Variants in SLC4A9 observed in about 807,000 individuals in gnomAD.
SLC4A9 encodes solute carrier family 4 member 9, also known as anion exchange protein 4.
Under a neutral mutation model 103.2 loss-of-function variants are expected in SLC4A9, and 102 were observed. The observed-to-expected ratio is 0.99, with a 90% CI of 0.84 to 1.17. SLC4A9 has a LOEUF of 1.17. Ranked by LOEUF, SLC4A9 falls within the 50% of genes most tolerant of loss-of-function variation. The pLI is 0.00. For missense variants in SLC4A9, 1,091 were observed against 1,193.7 expected (o/e 0.91, Z 1.27); for synonymous variants, 453 against 483.6 (o/e 0.94, Z 0.83).
chr5:140,363,699 C>A lies in SLC4A9; in HGVS notation c.1080-29C>A, dbSNP rs779714838. ...GGATGCGGGTGTGGAGTGTGAAAAC[C>A]TGGATCACTGACGACCCTCGGGCGG... On this transcript the variant is annotated intron_variant, in intron 8 of 21. Coordinates refer to ENST00000506757, the MANE Select transcript of SLC4A9 (RefSeq NM_031467.3). The surrounding 1 kb of genome is among the most constrained non-coding windows in gnomAD (Gnocchi z 4.5). 2.0e-5 allele frequency: 33 copies of A among 1,611,120 alleles called. No homozygotes were observed. Among genetic ancestry groups the A allele is most frequent in the Non-Finnish European group, 2.5e-5 (30 of 1,178,548 alleles).
chr5:140,363,344 G>C lies in SLC4A9; in HGVS notation c.963-95G>C. 4.1e-6 allele frequency: 5 copies of C among 1,208,170 alleles called. No homozygotes were observed. Among genetic ancestry groups the C allele is most frequent in the South Asian group, 2.8e-5 (2 of 70,828 alleles). 74.8% of individuals were successfully genotyped at this position (1,208,170 alleles called of 1,614,324 possible). Reference sequence around the variant, plus strand: ...ATGGTTCCCTCGCCGGCAGAGACAAGAGCAGCCGCTAGGGGGCAGGGCGCC... The same window carrying C: ...ATGGTTCCCTCGCCGGCAGAGACAACAGCAGCCGCTAGGGGGCAGGGCGCC... On this transcript the variant is annotated intron_variant, in intron 7 of 21. Transcript: ENST00000506757. The surrounding 1 kb of genome is among the most constrained non-coding windows in gnomAD (Gnocchi z 4.5).
rs777843017 is a variant in SLC4A9 at position 140,371,121 on chromosome 5, C to T, written c.2454C>T (p.Gly818=). ...TCATTCCAATGCCTGTGCTCTATGGCATCTTCCTGTATATGGGGGTGGCAG... is the reference window on the plus strand; with the variant it reads ...TCATTCCAATGCCTGTGCTCTATGGTATCTTCCTGTATATGGGGGTGGCAG... ...LKFIPMPVLY[G]IFLYMGVAAL... The change falls in exon 18 of 22, where the codon GGC becomes GGT. Residue 818 remains glycine, a synonymous_variant. Coordinates refer to ENST00000506757, the MANE Select transcript of SLC4A9 (RefSeq NM_031467.3). 2.9e-5 allele frequency: 47 copies of T among 1,612,258 alleles called. 1 individual carries two copies. The South Asian group carries it at 5.1e-4, about 17-fold the overall frequency.
rs150704382 is a variant in SLC4A9, at chr5:140,370,324, C to T, written c.2428-771C>T. Among the ~76,000 whole-genome samples the T allele has an allele frequency of 5.0e-3, 759 of 151,634 alleles. 7 individuals carry two copies. Among genetic ancestry groups the T allele is most frequent in the African/African-American group, 0.017 (723 of 41,356 alleles). On this transcript the variant is annotated intron_variant, in intron 17 of 21. Coordinates refer to ENST00000506757, the MANE Select transcript of SLC4A9 (RefSeq NM_031467.3). ...ACTAAAAATATAAAAGTTAGCTGGGCGTGGTGGGGGGTGCCTATAATCCCA... is the reference window on the plus strand; with the variant it reads ...ACTAAAAATATAAAAGTTAGCTGGGTGTGGTGGGGGGTGCCTATAATCCCA...
rs746607444 is a variant in SLC4A9 at position 140,363,701 on chromosome 5, G to A, written c.1080-27G>A. 25 of 1,611,416 alleles carry A rather than the reference G, an allele frequency of 1.6e-5. No individual in the cohort carries two copies. The highest frequency in any genetic ancestry group is 2.0e-5 in the Non-Finnish European group (24 of 1,178,710). On this transcript the variant is annotated intron_variant, in intron 8 of 21. Coordinates refer to ENST00000506757, the MANE Select transcript of SLC4A9 (RefSeq NM_031467.3). This position sits in a 1 kb window ranked among gnomAD's most constrained non-coding sequence, Gnocchi z 4.5. ...ATGCGGGTGTGGAGTGTGAAAACCTGGATCACTGACGACCCTCGGGCGGGA... is the reference window on the plus strand; with the variant it reads ...ATGCGGGTGTGGAGTGTGAAAACCTAGATCACTGACGACCCTCGGGCGGGA...
Position 140,368,769 on chromosome 5 carries a change from T to C in SLC4A9, c.2427+110T>C, listed in dbSNP as rs145201216. ...AGTGTGCCAGGTGCTCTGTTAAGTT[T>C]TCTCCATACATGGTCTCATTTAATC... On this transcript the variant is annotated intron_variant, in intron 17 of 21. Transcript: ENST00000506757. The C allele has an allele frequency of 1.3e-4, 108 of 828,552 alleles. No homozygotes were observed. In the East Asian group the frequency reaches 3.0e-3, roughly 23 times the overall value. 51.3% of individuals were successfully genotyped at this position (828,552 alleles called of 1,614,324 possible).
chr5:140,374,385 C>T (rs968968555), intron 21 of SLC4A9, among the ~76,000 whole-genome samples: 1 of 151,570 alleles, frequency 6.6e-6, no homozygotes, highest in Admixed American at 6.6e-5. Flanking sequence ...CATGGTGAAA[C>T]CCTGTCTCTA....
At position 140,363,184 on chromosome 5, in the gene SLC4A9, A is replaced by G; in HGVS notation, c.962+118A>G. The G allele has an allele frequency of 7.4e-7, 1 of 1,347,644 alleles. No individual in the cohort carries two copies. The highest frequency in any genetic ancestry group is 1.0e-6 in the Non-Finnish European group (1 of 986,912). 83.5% of individuals were successfully genotyped at this position (1,347,644 alleles called of 1,614,324 possible). On this transcript the variant is annotated intron_variant, in intron 7 of 21. Coordinates refer to ENST00000506757, the MANE Select transcript of SLC4A9 (RefSeq NM_031467.3). The surrounding 1 kb of genome is among the most constrained non-coding windows in gnomAD (Gnocchi z 4.5). The stretch of plus-strand genomic sequence containing the variant: ...GATAGGGACCTATCTTTGGATTTGG[A>G]GTCAGGCAGACCTAACTCTGAGTTC...
At chr5:140,366,099 G>GA (rs1430583972) in intron 13 of SLC4A9, 52 bp from the exon 14 acceptor site, 2 of 1,607,834 alleles carry the variant, frequency 1.2e-6, no homozygotes, top group Non-Finnish European at 1.7e-6. Flanking sequence ...AAGTGGTGTG[G>GA]AAAAAGAGAG....
intron 3 of SLC4A9, 129 bp from the exon 4 acceptor site, chr5:140,361,679 T>C: frequency 9.9e-7 from 1 of 1,008,208 alleles, no homozygotes; most frequent in Non-Finnish European, 1.5e-6. Flanking sequence ...GTGAGAAAAC[T>C]GTGGCTCAGA....
chr5:140,364,677 G>A (rs1767628687), intron 11 of SLC4A9, 52 bp downstream of exon 11: 6 of 1,564,268 alleles, frequency 3.8e-6, no homozygotes, highest in African/African-American at 2.7e-5. Context: ...TGTAGGGAAG[G>A]GGAGGGGCTG....
Position 140,363,679 on chromosome 5 carries a change from C to T in SLC4A9, c.1080-49C>T, listed in dbSNP as rs753173522. 4.4e-6 allele frequency: 7 copies of T among 1,602,152 alleles called. No homozygotes were observed. Among genetic ancestry groups the T allele is most frequent in the South Asian group, 1.1e-5 (1 of 89,458 alleles). On this transcript the variant is annotated intron_variant, in intron 8 of 21. Coordinates refer to ENST00000506757, the MANE Select transcript of SLC4A9 (RefSeq NM_031467.3). This position sits in a 1 kb window ranked among gnomAD's most constrained non-coding sequence, Gnocchi z 4.5. ...GGTCACAGGGAAAGTAGCGGGGATGCGGGTGTGGAGTGTGAAAACCTGGAT... is the reference window on the plus strand; with the variant it reads ...GGTCACAGGGAAAGTAGCGGGGATGTGGGTGTGGAGTGTGAAAACCTGGAT...
chr5:140,367,395 C>T (rs748467172), intron 14 of SLC4A9, 25 bp from the exon 15 acceptor site: 1 of 1,607,342 alleles, frequency 6.2e-7, no homozygotes, highest in African/African-American at 1.3e-5. Context: ...CCACTCCAAC[C>T]TGTCCATGAA....
intron 16 of SLC4A9, 51 bp from the exon 17 acceptor site, chr5:140,368,536 A>C: frequency 1.3e-4 from 202 of 1,522,280 alleles, no homozygotes; most frequent in Non-Finnish European, 1.7e-4. Flanking sequence ...TCCAGTCTGG[A>C]TACCCCAGGG....
rs541489968 is a variant in SLC4A9 at position 140,365,859 on chromosome 5, T to C, written c.1736T>C (p.Leu579Ser). 3 of 1,613,862 alleles carry C rather than the reference T, an allele frequency of 1.9e-6. No individual in the cohort carries two copies. Among genetic ancestry groups the C allele is most frequent in the African/African-American group, 2.7e-5 (2 of 75,046 alleles). The change falls in exon 13 of 22, where the codon TTG becomes TCG. Residue 579 changes from leucine (L) to serine (S), a missense_variant. Leu to Ser is a moderately radical substitution (Grantham distance 145). Transcript: ENST00000506757. ...SMDLGLINAS[L>S]LPPPECTRQG... is the part of the protein sequence containing the mutation. ...GACTTAGGCCTGATCAATGCATCCTTGCTGCCGCCACCTGAGTGCACCCGG... is the reference window on the plus strand; with the variant it reads ...GACTTAGGCCTGATCAATGCATCCTCGCTGCCGCCACCTGAGTGCACCCGG...
Position 140,363,159 on chromosome 5 carries a change from G to C in SLC4A9, c.962+93G>C, listed in dbSNP as rs768021723. On this transcript the variant is annotated intron_variant, in intron 7 of 21. Coordinates refer to ENST00000506757, the MANE Select transcript of SLC4A9 (RefSeq NM_031467.3). This position sits in a 1 kb window ranked among gnomAD's most constrained non-coding sequence, Gnocchi z 4.5. The stretch of plus-strand genomic sequence containing the variant: ...AGGAGGGGTGGTGTCCCAGGAAAGA[G>C]ATAGGGACCTATCTTTGGATTTGGA... The C allele has an allele frequency of 2.0e-5, 29 of 1,481,414 alleles. 2 individuals carry two copies. The highest frequency in any genetic ancestry group is 2.4e-4 in the Middle Eastern group (1 of 4,212). The allele number at this position is 1,481,414 out of a possible 1,614,324, so 91.8% of individuals were successfully genotyped here.
At chr5:140,364,237 C>T in intron 10 of SLC4A9, 50 bp downstream of exon 10, 1 of 1,570,870 alleles carries the variant, frequency 6.4e-7, no homozygotes, top group South Asian at 1.2e-5. Flanking sequence ...CATGGTCAGC[C>T]TGCTCCTGGC....
chr5:140,361,439 C>T, intron 3 of SLC4A9, 72 bp downstream of exon 3: 1 of 1,280,784 alleles, frequency 7.8e-7, no homozygotes, highest in East Asian at 2.5e-5. Context: ...CTGCACCTTC[C>T]AGGGCTAGAA....
chr5:140,361,191 G>C, intron 2 of SLC4A9, 63 bp from the exon 3 acceptor site: 1 of 1,427,650 alleles, frequency 7.0e-7, no homozygotes, highest in Non-Finnish European at 9.6e-7. Flanking sequence ...GGCAGAGGGA[G>C]AAGGGGAAGA....
At chr5:140,360,759 C>T in intron 1 of SLC4A9, 53 bp from the exon 2 acceptor site, 2 of 1,610,940 alleles carry the variant, frequency 1.2e-6, no homozygotes, top group Non-Finnish European at 1.7e-6. Flanking sequence ...ATCTCTGCTC[C>T]TGGACATGGG....
Sources: allele counts gnomAD v4.1 joint callset (sites outside exome capture counted in the v4.1 genomes callset), GRCh38; gene constraint gnomAD v4.1.1; non-coding constraint Gnocchi (gnomAD v3.1); transcripts MANE v1.5; gene names NCBI Gene and HGNC (gene_info 2026-07-23, HGNC 2026-07-21).